The following DGKB variants were observed in gnomAD, a reference collection of about 807,000 sequenced individuals.
The protein encoded by DGKB is 90 kDa diacylglycerol kinase.
In DGKB, 67 loss-of-function variants were observed where a neutral mutation model predicts 114.3. That is an observed-to-expected ratio of 0.59 (90% confidence interval 0.48 to 0.72). The LOEUF is 0.72. DGKB is among the 30% of genes least tolerant of loss of function. DGKB has a pLI of 0.00. For synonymous variants in DGKB, 398 were observed against 323.1 expected (o/e 1.23, Z -2.49); for missense variants, 907 against 975.2 (o/e 0.93, Z 0.93).
Position 14,929,841 on chromosome 7 carries a change from T to G in DGKB, c.-188+44855A>C, listed in dbSNP as rs139083039. The stretch of plus-strand genomic sequence containing the variant: ...TTTTCCCTAAGTTTTCTTCTAGTAT[T>G]ATTGTAGTTTATGGTCTTACGTTTA... On this transcript the variant is annotated intron_variant, in intron 1 of 4. Transcript: ENST00000437998. Among the ~76,000 whole-genome samples, 148 of 152,288 alleles carry G rather than the reference T, an allele frequency of 9.7e-4. 1 individual carries two copies. Among genetic ancestry groups the G allele is most frequent in the African/African-American group, 3.5e-3 (146 of 41,566 alleles).
rs1584632742 is a variant in DGKB, at chr7:14,533,759, G to A, written c.1770+40453C>T. 3.3e-5 allele frequency among the ~76,000 whole-genome samples: 5 copies of A among 152,052 alleles called. No individual in the cohort carries two copies. The South Asian group carries it at 1.0e-3, about 31-fold the overall frequency. ...GAAATGTTTCAGTCCAGGAGCGGGT[G>A]GAGTGATACATTCAAAGTACTGAAA... On this transcript the variant is annotated intron_variant, in intron 20 of 25. Coordinates refer to ENST00000402815, the MANE Select transcript of DGKB (RefSeq NM_001350709.2).
intron 23 of DGKB, among the ~76,000 whole-genome samples, chr7:14,327,979 TTTTATATGGAAGTCACA>T (rs1809046179): frequency 6.6e-6 from 1 of 152,134 alleles, no homozygotes; most frequent in Non-Finnish European, 1.5e-5. Flanking sequence ...CTCAAACCTA[TTTTATATGGAAGTCACA>T]TTTTTGTGCA....
intron 19 of DGKB, among the ~76,000 whole-genome samples, chr7:14,579,671 T>C (rs769882127): frequency 1.3e-5 from 2 of 152,124 alleles, no homozygotes; most frequent in Non-Finnish European, 2.9e-5. Flanking sequence ...CCAAATAGAC[T>C]ACATACTAAG....
chr7:14,729,270 C>G (rs564888564), intron 5 of DGKB, among the ~76,000 whole-genome samples: 2 of 146,844 alleles, frequency 1.4e-5, no homozygotes, highest in African/African-American at 5.0e-5. Context: ...CTACAGGCGC[C>G]TGCCACCACA....
At chr7:14,158,705 A>C (rs1783411155) in intron 25 of DGKB, among the ~76,000 whole-genome samples, 2 of 152,198 alleles carry the variant, frequency 1.3e-5, no homozygotes, top group Non-Finnish European at 1.5e-5. Flanking sequence ...AATGTGCTTA[A>C]GGCATTGAAT....
At chr7:14,583,189 T>C in intron 17 of DGKB, 52 bp from the exon 18 acceptor site, 1 of 1,155,898 alleles carries the variant, frequency 8.7e-7, no homozygotes, top group East Asian at 2.5e-5. Flanking sequence ...AAATAAGATG[T>C]TTTCAGTTTT....
At chr7:14,469,966 A>G (rs1781035825) in intron 21 of DGKB, among the ~76,000 whole-genome samples, 1 of 151,932 alleles carries the variant, frequency 6.6e-6, no homozygotes, top group South Asian at 2.1e-4. Flanking sequence ...TCTGTACACT[A>G]TATGGTTTAT....
rs150420213 is a variant in DGKB, at chr7:14,922,375, CGTGTGTGTGTGTGTGT to C, written c.-188+52305_-188+52320del. Among the ~76,000 whole-genome samples the C allele has an allele frequency of 5.1e-5, 6 of 118,280 alleles. No homozygotes were observed. The East Asian group carries it at 1.6e-3, about 32-fold the overall frequency. 77.6% of individuals were successfully genotyped at this position (118,280 alleles called of 152,430 possible). A position where few individuals can be genotyped will look rare whatever the true frequency, so the allele number is the denominator to read the frequency against. Reference sequence around the variant, plus strand: ...TGTCTACATATATATGTGTATCCATCGTGTGTGTGTGTGTGTGTGTGTGTGTGTGTGTGTGTGTGTA... The same window carrying C: ...TGTCTACATATATATGTGTATCCATCGTGTGTGTGTGTGTGTGTGTGTGTA... On this transcript the variant is annotated intron_variant, in intron 1 of 4. Coordinates refer to the DGKB transcript ENST00000437998.
intron 25 of DGKB, among the ~76,000 whole-genome samples, chr7:14,161,666 G>A (rs932115328): frequency 2.0e-5 from 3 of 152,008 alleles, no homozygotes; most frequent in South Asian, 2.1e-4. Flanking sequence ...GGGCCTGTTG[G>A]GGGGTGGGGG....
chr7:14,580,484 C>T (rs1407146981), intron 19 of DGKB, among the ~76,000 whole-genome samples: 1 of 152,114 alleles, frequency 6.6e-6, no homozygotes, highest in Non-Finnish European at 1.5e-5. Flanking sequence ...ATTCATTAGC[C>T]TTTCATCTTT....
At chr7:14,607,897 G>C (rs1177959821) in intron 16 of DGKB, among the ~76,000 whole-genome samples, 1 of 151,580 alleles carries the variant, frequency 6.6e-6, no homozygotes, top group African/African-American at 2.4e-5. Context: ...GTAAATCCTT[G>C]TGAATAATTT....
upstream of DGKB, among the ~76,000 whole-genome samples, chr7:14,905,834 G>A (rs953984571): frequency 3.3e-5 from 5 of 152,190 alleles, no homozygotes; most frequent in African/African-American, 7.2e-5. Flanking sequence ...GAATACGTGA[G>A]TGAATGAATT....
chr7:14,560,673 G>C lies in DGKB; in HGVS notation c.1770+13539C>G, dbSNP rs1796527501. Among the ~76,000 whole-genome samples the C allele has an allele frequency of 3.9e-5, 6 of 152,332 alleles. No homozygotes were observed. In the South Asian group the frequency reaches 1.2e-3, roughly 32 times the overall value. On this transcript the variant is annotated intron_variant, in intron 20 of 25. Transcript: ENST00000402815. Reference sequence around the variant, plus strand: ...AAAGTGTGCTGCAATATACATGACAGTGTGAACATCTCTCTTCAAGATCCT... The same window carrying C: ...AAAGTGTGCTGCAATATACATGACACTGTGAACATCTCTCTTCAAGATCCT...
chr7:14,905,002 G>A (rs1182750986), upstream of DGKB, among the ~76,000 whole-genome samples: 1 of 152,072 alleles, frequency 6.6e-6, no homozygotes, highest in Non-Finnish European at 1.5e-5. Flanking sequence ...GCCATTTGTA[G>A]TTTAGCAGGG....
Position 14,536,413 on chromosome 7 carries a change from T to C in DGKB, c.1770+37799A>G, listed in dbSNP as rs146418996. Among the ~76,000 whole-genome samples, 4 of 152,252 alleles carry C rather than the reference T, an allele frequency of 2.6e-5. No homozygotes were observed. The East Asian group carries it at 7.7e-4, about 29-fold the overall frequency. ...TTAACCTGGATGCAAAAATCATCAATAAAATATTTAGCAAATCAAGTTCAA... is the reference window on the plus strand; with the variant it reads ...TTAACCTGGATGCAAAAATCATCAACAAAATATTTAGCAAATCAAGTTCAA... On this transcript the variant is annotated intron_variant, in intron 20 of 25. Coordinates refer to ENST00000402815, the MANE Select transcript of DGKB (RefSeq NM_001350709.2).
At chr7:14,458,102 TTC>T (rs1322364074) in intron 21 of DGKB, among the ~76,000 whole-genome samples, 3 of 152,162 alleles carry the variant, frequency 2.0e-5, no homozygotes, top group Non-Finnish European at 4.4e-5. Flanking sequence ...TAAAGATTCT[TTC>T]TCTTTCTGGA....
intron 21 of DGKB, among the ~76,000 whole-genome samples, chr7:14,462,808 A>T (rs990435150): frequency 6.6e-6 from 1 of 152,202 alleles, no homozygotes; most frequent in African/African-American, 2.4e-5. Context: ...AAAAGAACAA[A>T]GCTGGAGGCA....
At chr7:14,485,912 G>C (rs189360110) in intron 20 of DGKB, among the ~76,000 whole-genome samples, 268 of 151,584 alleles carry the variant, frequency 1.8e-3, no homozygotes, top group African/African-American at 6.0e-3. Flanking sequence ...AAAAAATAGG[G>C]ACACCTTTGT....
chr7:14,197,371 A>G lies in DGKB; in HGVS notation c.2123-19220T>C, dbSNP rs146677525. ...CAGAACAAAAGCAGTTCTATGAAAGAAGACTAAACTTGAACAAACCGTAAA... is the reference window on the plus strand; with the variant it reads ...CAGAACAAAAGCAGTTCTATGAAAGGAGACTAAACTTGAACAAACCGTAAA... On this transcript the variant is annotated intron_variant, in intron 23 of 25. Transcript: ENST00000402815. 7.9e-3 allele frequency among the ~76,000 whole-genome samples: 1,204 copies of G among 152,168 alleles called. 6 individuals carry two copies. The highest frequency in any genetic ancestry group is 0.014 in the Middle Eastern group (4 of 294).
Sources: gnomAD v4.1 joint callset for allele counts (sites outside exome capture counted in the v4.1 genomes callset) on GRCh38, gnomAD v4.1.1 for gene constraint, MANE v1.5 for transcripts, NCBI Gene and HGNC (gene_info 2026-07-23, HGNC 2026-07-21) for gene names.